ZNF226: variants seen among roughly 807,000 people sequenced by gnomAD.
ZNF226 encodes the protein Kruppel-associated box protein.
In ZNF226, 6 loss-of-function variants were observed where a neutral mutation model predicts 11.4. The observed-to-expected ratio is 0.53, with a 90% CI of 0.29 to 1.04. The LOEUF (loss-of-function observed/expected upper bound fraction) is 1.04, where lower values mean the gene tolerates loss of function less well. Ranked by LOEUF, ZNF226 falls within the 50% of genes least tolerant of loss-of-function variation. The pLI is 0.08. For synonymous variants in ZNF226, 350 were observed against 322.8 expected (o/e 1.08, Z -0.90); for missense variants, 1,058 against 956.5 (o/e 1.11, Z -1.40).
chr19:44,176,568 A>G lies in ZNF226; in HGVS notation c.1306A>G (p.Ile436Val). Residue 436 changes from isoleucine (I) to valine (V), a missense_variant, in exon 6 of 6, where the codon ATT becomes GTT. Coordinates refer to ENST00000337433, the MANE Select transcript of ZNF226 (RefSeq NM_001032373.2). Reference protein sequence around the residue: ...KGFICSSNLYIHQRVHTGEKP... With the variant: ...KGFICSSNLYVHQRVHTGEKP... ...CTTCATTTGTAGCTCAAATCTTTAC[A>G]TTCATCAGAGAGTCCACACAGGAGA... 1 of 1,614,164 alleles carries G rather than the reference A, an allele frequency of 6.2e-7. No individual in the cohort carries two copies. The highest frequency in any genetic ancestry group is 8.5e-7 in the Non-Finnish European group (1 of 1,180,018).
downstream of ZNF226, among the ~76,000 whole-genome samples, chr19:44,181,465 G>C (rs1345341105): frequency 7.0e-6 from 1 of 143,576 alleles, no homozygotes; most frequent in Admixed American, 6.9e-5. Flanking sequence ...TTCTATCTTA[G>C]CTTTTAGCTT....
At chr19:44,177,752 A>G (rs1264776283), downstream of ZNF226, 3 of 1,435,916 alleles carry the variant, frequency 2.1e-6, no homozygotes, top group Non-Finnish European at 2.8e-6. Context: ...GTAGCTCCTC[A>G]TGTCCCAGTG....
Position 44,177,280 on chromosome 19 carries a change from G to A in ZNF226, c.2018G>A (p.Cys673Tyr). 1.2e-6 allele frequency: 2 copies of A among 1,614,158 alleles called. No individual in the cohort carries two copies. The highest frequency in any genetic ancestry group is 8.5e-7 in the Non-Finnish European group (1 of 1,180,030). Reference protein sequence around the residue: ...KVHTGDKPYKCDECGKGFKWS... With the variant: ...KVHTGDKPYKYDECGKGFKWS... ...CACACTGGAGATAAGCCATACAAAT[G>A]TGATGAGTGTGGGAAGGGCTTCAAG... Residue 673 changes from cysteine to tyrosine, a missense_variant, in exon 6 of 6, where the codon TGT becomes TAT. Transcript: ENST00000337433.
rs1490637800 is a variant in ZNF226, at chr19:44,177,009, G to C, written c.1747G>C (p.Gly583Arg). ...TCAGATTCACCAGCTGATCCATACG[G>C]GTGAGAAACCATACAAATGTGAAGA... is the stretch of plus-strand genomic sequence containing the variant. ...RLQIHQLIHT[G>R]EKPYKCEECG... Residue 583 changes from glycine to arginine, a missense_variant, in exon 6 of 6, where the codon GGT becomes CGT. By Grantham distance (125) the Gly-to-Arg change is moderately radical. Coordinates refer to ENST00000337433, the MANE Select transcript of ZNF226 (RefSeq NM_001032373.2). 3 of 1,613,776 alleles carry C rather than the reference G, an allele frequency of 1.9e-6. No homozygotes were observed. The highest frequency in any genetic ancestry group is 2.7e-5 in the African/African-American group (2 of 74,862).
chr19:44,166,191 G>C (rs1467235059), intron 2 of ZNF226, among the ~76,000 whole-genome samples: 1 of 152,126 alleles, frequency 6.6e-6, no homozygotes, highest in African/African-American at 2.4e-5. Flanking sequence ...TCAAGGTCTG[G>C]GCTATTCTAT....
At chr19:44,185,739 A>G in the ZNF226 span, among the ~76,000 whole-genome samples, 3 of 151,956 alleles carry the variant, frequency 2.0e-5, no homozygotes, top group Non-Finnish European at 2.9e-5. Context: ...GTTTCTTTTG[A>G]TGCACAGAAG....
Position 44,175,598 on chromosome 19 carries a change from C to T in ZNF226, c.336C>T (p.Thr112=). The T allele has an allele frequency of 1.2e-6, 2 of 1,613,552 alleles. No individual in the cohort carries two copies. The highest frequency in any genetic ancestry group is 2.2e-5 in the East Asian group (1 of 44,862). ...QIWQQIANDL[T]RCQDSMINNS... The stretch of plus-strand genomic sequence containing the variant: ...GGCAACAAATTGCAAATGACTTAAC[C>T]AGGTGTCAAGACTCCATGATCAATA... The change falls in exon 6 of 6, where the codon ACC becomes ACT. Residue 112 remains threonine, a synonymous_variant. Coordinates refer to ENST00000337433, the MANE Select transcript of ZNF226 (RefSeq NM_001032373.2).
intron 5 of ZNF226, chr19:44,175,127 A>G (rs1456076681): frequency 1.9e-6 from 3 of 1,550,762 alleles, no homozygotes; most frequent in African/African-American, 1.4e-5. Flanking sequence ...TTGAGTGACT[A>G]TGAATGACTG....
At chr19:44,167,407 C>T (rs1006681653) in intron 2 of ZNF226, among the ~76,000 whole-genome samples, 9 of 150,660 alleles carry the variant, frequency 6.0e-5, no homozygotes, top group Non-Finnish European at 1.2e-4. Flanking sequence ...CAACCTCCGC[C>T]TCCCAGGTTC....
intron 3 of ZNF226, 29 bp downstream of exon 3, chr19:44,170,124 T>TA (rs1555782650): frequency 6.2e-7 from 1 of 1,609,480 alleles, no homozygotes; most frequent in Non-Finnish European, 8.5e-7. Context: ...TCCCAGCTGT[T>TA]AAAAATACCA....
chr19:44,169,730 C>T (rs1441605865), intron 2 of ZNF226: 1 of 206,704 alleles, frequency 4.8e-6, no homozygotes, highest in Non-Finnish European at 9.6e-6. Context: ...GATTTTAACC[C>T]ATGCATATCA....
the ZNF226 span, among the ~76,000 whole-genome samples, chr19:44,194,663 A>T: frequency 1.2e-4 from 19 of 152,166 alleles, no homozygotes; most frequent in Non-Finnish European, 2.5e-4. Flanking sequence ...ATGTGAGTTA[A>T]CTACTATTTT....
chr19:44,190,444 C>T, the ZNF226 span, among the ~76,000 whole-genome samples: 1 of 152,100 alleles, frequency 6.6e-6, no homozygotes, highest in African/African-American at 2.4e-5. Context: ...TGCCATTCTC[C>T]TACCTCAGCC....
In ZNF226 at chr19:44,170,373, G is replaced by C. The variant is rs552628794; in HGVS notation, c.15+278G>C. Among the ~76,000 whole-genome samples the C allele has an allele frequency of 2.0e-5, 3 of 152,226 alleles. No homozygotes were observed. In the East Asian group the frequency reaches 5.8e-4, roughly 29 times the overall value. The stretch of plus-strand genomic sequence containing the variant: ...GCACTTTGGGAGGCCGAGGCAGGGG[G>C]TGGGATCACTTGAGGTCAGGAGTTT... On this transcript the variant is annotated intron_variant, in intron 3 of 5. Transcript: ENST00000337433.
At chr19:44,169,421 C>T (rs1169808155) in intron 2 of ZNF226, 1 of 152,178 alleles carries the variant, frequency 6.6e-6, no homozygotes, top group Non-Finnish European at 1.5e-5. Flanking sequence ...GGAAAGACGA[C>T]AAGATGTTTT....
At chr19:44,169,655 G>A in intron 2 of ZNF226, 1 of 158,692 alleles carries the variant, frequency 6.3e-6, no homozygotes, top group Admixed American at 6.4e-5. Flanking sequence ...TTTACCACTT[G>A]CAGATGACAG....
At position 44,175,921 on chromosome 19, in the gene ZNF226, GTGAAAA is replaced by G. The variant is rs754275718; in HGVS notation, c.660_665del (p.Ser220_Lys222delinsArg). 3.3e-5 allele frequency: 54 copies of G among 1,613,410 alleles called. No individual in the cohort carries two copies. Among genetic ancestry groups the G allele is most frequent in the Non-Finnish European group, 4.5e-5 (53 of 1,179,774 alleles). Reference sequence around the variant, plus strand: ...CATGATGGTCATAGAGTACACAAAAGTGAAAAATCTTATAGACCCAATGATTATGAA... The same window carrying G: ...CATGATGGTCATAGAGTACACAAAAGATCTTATAGACCCAATGATTATGAA... On this transcript the variant is annotated inframe_deletion, in exon 6 of 6. Transcript: ENST00000337433.
the ZNF226 span, among the ~76,000 whole-genome samples, chr19:44,195,218 C>A: frequency 3.9e-5 from 6 of 152,154 alleles, no homozygotes; most frequent in Non-Finnish European, 7.3e-5. Context: ...GGCCTTATAG[C>A]CAAATCCAGA....
rs2122520805 is a variant in ZNF226 at position 44,177,359 on chromosome 19, T to C, written c.2097T>C (p.Tyr699=). 1.2e-6 allele frequency: 2 copies of C among 1,613,342 alleles called. No individual in the cohort carries two copies. The highest frequency in any genetic ancestry group is 2.2e-5 in the East Asian group (1 of 44,824). Residue 699 remains tyrosine (Y), a synonymous_variant, in exon 6 of 6, where the codon TAT becomes TAC. Transcript: ENST00000337433. The stretch of plus-strand genomic sequence containing the variant: ...GGGTGCACACAGGAGAAAAACCATA[T>C]AAATGTGGGGAGTGTGGTAAGTACT... The part of the protein sequence containing the change: ...HQRVHTGEKP[Y]KCGECGKYFS...
Sources: gnomAD v4.1 joint callset for allele counts (sites outside exome capture counted in the v4.1 genomes callset) on GRCh38, gnomAD v4.1.1 for gene constraint, MANE v1.5 for transcripts, NCBI Gene and HGNC (gene_info 2026-07-23, HGNC 2026-07-21) for gene names.